SPG11: variants seen among roughly 807,000 people sequenced by gnomAD.
SPG11 encodes the protein spatacsin.
In SPG11, 222 loss-of-function variants were observed where a neutral mutation model predicts 274.0. The observed-to-expected ratio is 0.81, with a 90% CI of 0.73 to 0.91. The LOEUF (loss-of-function observed/expected upper bound fraction) is 0.91. Among genes scored for constraint, SPG11 ranks in the 40% least tolerant of loss-of-function variants. The pLI is 0.00. For missense variants in SPG11, 3,114 were observed against 2,872.7 expected (o/e 1.08, Z -1.92); for synonymous variants, 1,144 against 1,039.7 (o/e 1.10, Z -1.93).
intron 39 of SPG11, among the ~76,000 whole-genome samples, chr15:44,564,156 C>CAAA (rs2082260700): frequency 6.6e-6 from 1 of 152,114 alleles, no homozygotes; most frequent in African/African-American, 2.4e-5. Context: ...CCACACCCAG[C>CAAA]TAATTTTTGT....
intron 6 of SPG11, 134 bp downstream of exon 6, chr15:44,651,357 A>G (rs538518048): frequency 1.0e-5 from 8 of 770,484 alleles, no homozygotes; most frequent in East Asian, 2.7e-5. Flanking sequence ...ATTACCAAGA[A>G]TAACAAGAAA....
chr15:44,633,495 T>G lies in SPG11; in HGVS notation c.1735+10A>C, dbSNP rs758041585. On this transcript the variant is annotated intron_variant, in intron 8 of 39. Transcript: ENST00000261866. ...ATAAATACAAATGTAGAAATCTTTA[T>G]TCCACTTACTTCTTAAATATAAATG... The G allele has an allele frequency of 6.3e-7, 1 of 1,577,664 alleles. No homozygotes were observed. Among genetic ancestry groups the G allele is most frequent in the Admixed American group, 1.7e-5 (1 of 58,478 alleles).
intron 20 of SPG11, among the ~76,000 whole-genome samples, chr15:44,601,147 C>T (rs2083176250): frequency 6.6e-6 from 1 of 151,920 alleles, no homozygotes. Context: ...AGTGAAACTT[C>T]ATTTCAAAAA....
intron 20 of SPG11, 64 bp downstream of exon 20, chr15:44,605,961 A>G (rs1209240159): frequency 3.1e-6 from 4 of 1,300,208 alleles, no homozygotes; most frequent in Non-Finnish European, 4.5e-6. Flanking sequence ...TTGGCATTAC[A>G]TGTATTAACT....
intron 7 of SPG11, among the ~76,000 whole-genome samples, chr15:44,647,528 T>C (rs765467540): frequency 7.2e-5 from 11 of 152,160 alleles, no homozygotes; most frequent in Non-Finnish European, 1.5e-4. Context: ...GTCCATCAGC[T>C]GATGAATGGA....
chr15:44,636,966 A>G (rs1392876617), intron 7 of SPG11, among the ~76,000 whole-genome samples: 1 of 147,062 alleles, frequency 6.8e-6, no homozygotes, highest in Non-Finnish European at 1.5e-5. Context: ...AACAAAAAAA[A>G]AACACAAATG....
In SPG11 at chr15:44,573,226, C is replaced by G. The variant is rs1001167334; in HGVS notation, c.6205+321G>C. On this transcript the variant is annotated intron_variant, in intron 32 of 39. Transcript: ENST00000261866. ...GGTCTCTATCTCCTGACCTCGTGAT[C>G]TGCCAGCCTTGGCCTCCCAAAGTGC... 3.2e-5 allele frequency: 17 copies of G among 530,306 alleles called. No homozygotes were observed. The South Asian group carries it at 3.6e-4, about 11-fold the overall frequency. The allele number at this position is 530,306 out of a possible 1,614,324, so 32.9% of individuals were successfully genotyped here.
At chr15:44,570,758 C>A in intron 33 of SPG11, 100 bp from the exon 34 acceptor site, 1 of 1,506,064 alleles carries the variant, frequency 6.6e-7, no homozygotes. Flanking sequence ...GGAGAAGGGG[C>A]CTGTCTGGAG....
At chr15:44,643,979 C>G (rs530920432) in intron 7 of SPG11, among the ~76,000 whole-genome samples, 2 of 151,902 alleles carry the variant, frequency 1.3e-5, no homozygotes, top group East Asian at 3.9e-4. Context: ...CTGGCTAACA[C>G]GGTGAAACCC....
intron 31 of SPG11, chr15:44,573,969 C>G: frequency 1.7e-6 from 1 of 595,922 alleles, no homozygotes; most frequent in Non-Finnish European, 3.0e-6. Flanking sequence ...CAGAAAGCAT[C>G]AGGTTATTCT....
rs748084036 is a variant in SPG11, at chr15:44,566,271, T to C, written c.6789A>G (p.Gln2263=). ...DSLKDGHQLK[Q]LLLKALTLML... ...TCAGAGTCAGGGCCTTCAGCAGCAG[T>C]TGTTTCAGCTGGTGCCCATCCTTGA... Residue 2263 remains glutamine, a synonymous_variant, in exon 37 of 40, where the codon CAA becomes CAG. Transcript: ENST00000261866. 5 of 1,614,144 alleles carry C rather than the reference T, an allele frequency of 3.1e-6. No homozygotes were observed. The highest frequency in any genetic ancestry group is 1.1e-5 in the South Asian group (1 of 91,080).
chr15:44,587,159 C>A (rs1035667012), intron 28 of SPG11, among the ~76,000 whole-genome samples: 1 of 152,216 alleles, frequency 6.6e-6, no homozygotes, highest in Non-Finnish European at 1.5e-5. Context: ...CATGGCAAGA[C>A]CTTTCTCTCT....
chr15:44,662,816 A>G (rs1325634885), intron 1 of SPG11, among the ~76,000 whole-genome samples: 1 of 152,234 alleles, frequency 6.6e-6, no homozygotes, highest in African/African-American at 2.4e-5. Flanking sequence ...CGCGCCTCGC[A>G]AGAAAGAAGT....
intron 14 of SPG11, 157 bp from the exon 15 acceptor site, chr15:44,620,560 G>T: frequency 1.6e-6 from 1 of 644,680 alleles, no homozygotes; most frequent in Non-Finnish European, 2.6e-6. Flanking sequence ...TCCTTTTTTT[G>T]AGACAGGATC....
At chr15:44,627,683 G>A (rs1484403977) in intron 10 of SPG11, among the ~76,000 whole-genome samples, 4 of 151,780 alleles carry the variant, frequency 2.6e-5, no homozygotes, top group Non-Finnish European at 2.9e-5. Context: ...TCCACCTCCC[G>A]GGTTCAAGCA....
intron 23 of SPG11, 164 bp from the exon 24 acceptor site, chr15:44,597,107 ATTCTTTT>A: frequency 2.2e-6 from 1 of 464,180 alleles, no homozygotes; most frequent in Admixed American, 3.6e-5. Context: ...AAAAAAGTAG[ATTCTTTT>A]TTTTTTTTTT....
chr15:44,629,870 A>C (rs2084008267), intron 8 of SPG11, among the ~76,000 whole-genome samples: 1 of 152,086 alleles, frequency 6.6e-6, no homozygotes, highest in South Asian at 2.1e-4. Context: ...CAGGAGTTCG[A>C]GACCAGCCTG....
chr15:44,657,306 A>G lies in SPG11; in HGVS notation c.668-10T>C. 2 of 1,613,548 alleles carry G rather than the reference A, an allele frequency of 1.2e-6. No homozygotes were observed. ...ACAACATCAAAAATGTCTTTTAGTT[A>G]GAGTTAAAAGAAAATGCCAGTTTTG... On this transcript the variant is annotated splice_polypyrimidine_tract_variant and intron_variant, in intron 3 of 39. Transcript: ENST00000261866.
chr15:44,596,430 G>C, intron 24 of SPG11, 75 bp from the exon 25 acceptor site: 2 of 1,543,144 alleles, frequency 1.3e-6, no homozygotes, highest in South Asian at 2.3e-5. Flanking sequence ...TTAGAGAAAA[G>C]CATAGACAAA....
Sources: gnomAD v4.1 joint callset for allele counts (sites outside exome capture counted in the v4.1 genomes callset) on GRCh38, gnomAD v4.1.1 for gene constraint, MANE v1.5 for transcripts, NCBI Gene and HGNC (gene_info 2026-07-23, HGNC 2026-07-21) for gene names.